The following MGRN1 variants were observed in gnomAD, a reference collection of about 807,000 sequenced individuals.
MGRN1 encodes mahogunin ring finger 1.
Under a neutral mutation model 69.2 loss-of-function variants are expected in MGRN1, and 29 were observed. The observed-to-expected ratio is 0.42, with a 90% CI of 0.31 to 0.57. The LOEUF (loss-of-function observed/expected upper bound fraction) is 0.57, where lower values mean the gene tolerates loss of function less well. Ranked by LOEUF, MGRN1 falls within the 20% of genes least tolerant of loss-of-function variation. The probability of loss-of-function intolerance (pLI) is 0.15; values close to 1 mark genes in which losing one functional copy is unlikely to be tolerated. For missense variants in MGRN1, 998 were observed against 796.2 expected, an observed-to-expected ratio of 1.25 and a Z score of -3.05; for synonymous variants, 470 against 344.2, an observed-to-expected ratio of 1.37 and a Z score of -4.04.
intron 1 of MGRN1, chr16:4,634,274 C>G (rs772582884): frequency 2.0e-5 from 3 of 152,740 alleles, no homozygotes; most frequent in Admixed American, 6.5e-5. Flanking sequence ...GGGACAGGCC[C>G]TGGCCCTCGC....
At chr16:4,673,871 T>C (rs2078997238) in intron 10 of MGRN1, among the ~76,000 whole-genome samples, 2 of 152,226 alleles carry the variant, frequency 1.3e-5, no homozygotes, top group Admixed American at 6.5e-5. Flanking sequence ...CATTCAGATC[T>C]TCACGTCTGC....
At chr16:4,641,854 A>T (rs2078166804) in intron 1 of MGRN1, among the ~76,000 whole-genome samples, 1 of 152,002 alleles carries the variant, frequency 6.6e-6, no homozygotes, top group Admixed American at 6.6e-5. Flanking sequence ...GGGTCTCGCC[A>T]TGTCGCCCAG....
chr16:4,628,539 A>G (rs924429259), intron 1 of MGRN1, among the ~76,000 whole-genome samples: 2 of 151,878 alleles, frequency 1.3e-5, no homozygotes, highest in Admixed American at 1.3e-4. Flanking sequence ...TCAGCCCATC[A>G]GCGATCTGCT....
At chr16:4,632,428 C>G (rs1448408168) in intron 1 of MGRN1, among the ~76,000 whole-genome samples, 2 of 150,674 alleles carry the variant, frequency 1.3e-5, no homozygotes, top group Admixed American at 1.3e-4. Context: ...GAGTCTTGCT[C>G]TGTCGCCCAG....
chr16:4,678,282 A>T (rs2079097876), intron 11 of MGRN1, among the ~76,000 whole-genome samples: 1 of 116,482 alleles, frequency 8.6e-6, no homozygotes, highest in African/African-American at 2.5e-5. Context: ...TGCTTCAGCA[A>T]CACAAGGGAG....
intron 10 of MGRN1, 135 bp from the exon 11 acceptor site, chr16:4,677,328 A>G: frequency 6.3e-6 from 3 of 477,928 alleles, no homozygotes. Flanking sequence ...AAAAAAAAAG[A>G]CCGTTGTGAT....
chr16:4,679,742 G>A (rs973124051), intron 11 of MGRN1, among the ~76,000 whole-genome samples: 1 of 152,214 alleles, frequency 6.6e-6, no homozygotes, highest in African/African-American at 2.4e-5. Context: ...GGCCAAATCT[G>A]TTGCCCCAGG....
At position 4,673,602 on chromosome 16, in the gene MGRN1, C is replaced by G. The variant is rs751249770; in HGVS notation, c.900C>G (p.Thr300=). ...ILPCRHLCLC[T]SCADTLRYQA... is the part of the protein sequence containing the mutation. ...CCTGCCGCCACCTGTGCCTCTGTAC[C>G]TCCTGCGCCGACACGCTGCGCTACC... is the stretch of plus-strand genomic sequence containing the variant. The change falls in exon 10 of 17, where the codon ACC becomes ACG. Residue 300 remains threonine (T), a synonymous_variant. Transcript: ENST00000262370. 1.2e-6 allele frequency: 2 copies of G among 1,613,748 alleles called. No individual in the cohort carries two copies. The highest frequency in any genetic ancestry group is 1.1e-5 in the South Asian group (1 of 91,080).
intron 12 of MGRN1, 35 bp from the exon 13 acceptor site, chr16:4,681,515 G>C (rs1030367799): frequency 6.3e-7 from 1 of 1,580,584 alleles, no homozygotes; most frequent in Non-Finnish European, 8.6e-7. Flanking sequence ...GGTGGTCCCT[G>C]GGCATGAGCC....
At chr16:4,670,962 T>C (rs896888375) in intron 8 of MGRN1, among the ~76,000 whole-genome samples, 10 of 152,230 alleles carry the variant, frequency 6.6e-5, no homozygotes, top group Non-Finnish European at 1.3e-4. Context: ...GACATTGCTT[T>C]GGCGTCTTTG....
In MGRN1 at chr16:4,683,207, T is replaced by A. The variant is rs771500458; in HGVS notation, c.1483-17T>A. 4 of 1,613,418 alleles carry A rather than the reference T, an allele frequency of 2.5e-6. No homozygotes were observed. Among genetic ancestry groups the A allele is most frequent in the Non-Finnish European group, 3.4e-6 (4 of 1,179,900 alleles). On this transcript the variant is annotated splice_polypyrimidine_tract_variant and intron_variant, in intron 14 of 16. Coordinates refer to ENST00000262370, the MANE Select transcript of MGRN1 (RefSeq NM_015246.4). ...CGGCTCTCTGAGCTCTAGGCTACTT[T>A]CCCCTTTGTTTCCTAGAGTTTCATA... is the stretch of plus-strand genomic sequence containing the variant.
chr16:4,663,365 G>GTTTTTTTTTT lies in MGRN1; in HGVS notation c.562-1327_562-1318dup, dbSNP rs1183914569. Among the ~76,000 whole-genome samples the GTTTTTTTTTT allele has an allele frequency of 8.1e-4, 50 of 61,828 alleles. 1 individual carries two copies. Among genetic ancestry groups the GTTTTTTTTTT allele is most frequent in the Admixed American group, 1.9e-3 (9 of 4,682 alleles). The allele number at this position is 61,828 out of a possible 152,430, so 40.6% of individuals were successfully genotyped here. A position where few individuals can be genotyped will look rare whatever the true frequency, so the allele number is the denominator to read the frequency against. ...GGCGGGAGCCACGGCACCTGGCCTT[G>GTTTTTTTTTT]TTTTTTTTTTTTTTTTTTTTTTTTT... On this transcript the variant is annotated intron_variant, in intron 5 of 16. Transcript: ENST00000262370.
chr16:4,662,082 T>C (rs1485462669), intron 5 of MGRN1, among the ~76,000 whole-genome samples: 1 of 152,174 alleles, frequency 6.6e-6, no homozygotes, highest in African/African-American at 2.4e-5. Flanking sequence ...TTCTTGACAC[T>C]GATGTTTGTC....
intron 5 of MGRN1, among the ~76,000 whole-genome samples, chr16:4,662,250 GAC>G: frequency 6.6e-6 from 1 of 152,078 alleles, no homozygotes; most frequent in Admixed American, 6.6e-5. Context: ...CGCGGTGGCT[GAC>G]ACCTGTAATC....
intron 4 of MGRN1, among the ~76,000 whole-genome samples, chr16:4,655,941 G>A (rs2078527415): frequency 6.6e-6 from 1 of 152,260 alleles, no homozygotes; most frequent in Non-Finnish European, 1.5e-5. Context: ...CTGAGGCTGA[G>A]CCCGGGCCTC....
Position 4,688,989 on chromosome 16 carries a change from G to A in MGRN1, c.*81G>A, listed in dbSNP as rs761209450. 5.7e-5 allele frequency: 83 copies of A among 1,452,988 alleles called. No homozygotes were observed. Among genetic ancestry groups the A allele is most frequent in the East Asian group, 3.0e-4 (12 of 39,716 alleles). 90.0% of individuals were successfully genotyped at this position (1,452,988 alleles called of 1,614,324 possible). A position where few individuals can be genotyped will look rare whatever the true frequency, so the allele number is the denominator to read the frequency against. On this transcript the variant is annotated 3_prime_UTR_variant, in exon 17 of 17. Transcript: ENST00000262370. ...GCTGCTCCGGACCCCGTTGTGAGCC[G>A]GCCTCCTGTCTGCATGCCCCCTGTG...
chr16:4,658,759 C>A (rs761638430), intron 5 of MGRN1: 1 of 152,066 alleles, frequency 6.6e-6, no homozygotes, highest in South Asian at 2.1e-4. Context: ...AATCCCAGCA[C>A]TTCGGGAGGC....
chr16:4,678,247 C>T (rs896992440), intron 11 of MGRN1, among the ~76,000 whole-genome samples: 2 of 152,084 alleles, frequency 1.3e-5, no homozygotes, highest in African/African-American at 2.4e-5. Context: ...CAGGCGCCCT[C>T]AGTGGGGACC....
At chr16:4,641,515 CTTTTTTTT>C (rs542014508) in intron 1 of MGRN1, among the ~76,000 whole-genome samples, 2 of 135,416 alleles carry the variant, frequency 1.5e-5, no homozygotes, top group East Asian at 4.2e-4. Context: ...TGCCTGGCTA[CTTTTTTTT>C]TTTTTTTTTT....
Sources: allele counts gnomAD v4.1 joint callset (sites outside exome capture counted in the v4.1 genomes callset), GRCh38; gene constraint gnomAD v4.1.1; transcripts MANE v1.5; gene names NCBI Gene and HGNC (gene_info 2026-07-23, HGNC 2026-07-21).